The following VTI1A variants were observed in gnomAD, a reference collection of about 807,000 sequenced individuals.
The protein encoded by VTI1A is vesicle transport through interaction with t-SNAREs 1A.
In VTI1A, 22 loss-of-function variants were observed where a neutral mutation model predicts 34.9. That is an observed-to-expected ratio of 0.63 (90% CI 0.45 to 0.90). The LOEUF is 0.90. Ranked by LOEUF, VTI1A falls within the 40% of genes least tolerant of loss-of-function variation. The probability of loss-of-function intolerance (pLI) is 0.00; values close to 1 mark genes in which losing one functional copy is unlikely to be tolerated. For synonymous variants in VTI1A, 87 were observed against 97.3 expected (o/e 0.89, Z 0.62); for missense variants, 268 against 275.6 (o/e 0.97, Z 0.20).
At chr10:112,492,936 G>A (rs1031752870) in intron 3 of VTI1A, among the ~76,000 whole-genome samples, 4 of 152,094 alleles carry the variant, frequency 2.6e-5, no homozygotes, top group African/African-American at 9.7e-5. Flanking sequence ...GCTCCCTCAC[G>A]ATCATGTGCA....
intron 7 of VTI1A, among the ~76,000 whole-genome samples, chr10:112,685,008 A>C (rs1161288214): frequency 6.6e-6 from 1 of 152,178 alleles, no homozygotes; most frequent in Non-Finnish European, 1.5e-5. Flanking sequence ...CGTGTTTCAG[A>C]ATAGCAGAAA....
At chr10:112,788,807 T>G (rs573629557) in intron 7 of VTI1A, among the ~76,000 whole-genome samples, 14 of 152,278 alleles carry the variant, frequency 9.2e-5, no homozygotes, top group African/African-American at 2.9e-4. Context: ...AATTCACATA[T>G]TGATTTTTTT....
intron 7 of VTI1A, among the ~76,000 whole-genome samples, chr10:112,781,336 T>G (rs1852120221): frequency 1.3e-5 from 2 of 152,236 alleles, no homozygotes; most frequent in Admixed American, 1.3e-4. Context: ...GAGATGCAGC[T>G]GTCAACCTTT....
chr10:112,849,001 A>C, the VTI1A span, among the ~76,000 whole-genome samples: 1 of 152,186 alleles, frequency 6.6e-6, no homozygotes, highest in Non-Finnish European at 1.5e-5. Context: ...CCCAACATGC[A>C]CACATATTGA....
At chr10:112,853,248 C>G in the VTI1A span, among the ~76,000 whole-genome samples, 1 of 152,170 alleles carries the variant, frequency 6.6e-6, no homozygotes, top group Admixed American at 6.5e-5. Flanking sequence ...CTGTGAGCTC[C>G]TACTACCTCC....
intron 7 of VTI1A, among the ~76,000 whole-genome samples, chr10:112,674,578 C>G (rs551859774): frequency 1.3e-5 from 2 of 152,266 alleles, no homozygotes; most frequent in African/African-American, 4.8e-5. Context: ...CACTTGAATG[C>G]AACACCTTAT....
intron 5 of VTI1A, among the ~76,000 whole-genome samples, chr10:112,626,244 A>AT (rs1308922870): frequency 6.6e-6 from 1 of 152,184 alleles, no homozygotes; most frequent in Non-Finnish European, 1.5e-5. Context: ...GAAATCTGAG[A>AT]TTTTAAGACC....
downstream of VTI1A, among the ~76,000 whole-genome samples, chr10:112,821,899 G>C (rs961435164): frequency 6.6e-6 from 1 of 152,200 alleles, no homozygotes; most frequent in Non-Finnish European, 1.5e-5. Context: ...TTGACCCTTT[G>C]AGGGATGCCA....
At chr10:112,725,693 C>T (rs1849995395) in intron 7 of VTI1A, among the ~76,000 whole-genome samples, 2 of 152,300 alleles carry the variant, frequency 1.3e-5, no homozygotes, top group South Asian at 4.1e-4. Context: ...CTCTGAAATA[C>T]AGTTCATATC....
chr10:112,544,371 A>G lies in VTI1A; in HGVS notation c.427+6041A>G, dbSNP rs7912833. On this transcript the variant is annotated intron_variant, in intron 5 of 7. Coordinates refer to ENST00000393077, the MANE Select transcript of VTI1A (RefSeq NM_145206.4). ...CAGCCTCCCGAGTAGCTGGGATTAC[A>G]GGCATCCACCACCATGCCCAGCTAA... Among the ~76,000 whole-genome samples, 725 of 152,236 alleles carry G rather than the reference A, an allele frequency of 4.8e-3. 6 individuals are homozygous for G. Among genetic ancestry groups the G allele is most frequent in the African/African-American group, 0.017 (701 of 41,530 alleles).
At chr10:112,645,747 C>G (rs1044043533) in intron 5 of VTI1A, among the ~76,000 whole-genome samples, 3 of 152,104 alleles carry the variant, frequency 2.0e-5, no homozygotes, top group African/African-American at 7.2e-5. Flanking sequence ...CTAGTGTTCT[C>G]TCTATAATAG....
At position 112,447,321 on chromosome 10, in the gene VTI1A, A is replaced by G; in HGVS notation, c.-53A>G. On this transcript the variant is annotated 5_prime_UTR_variant, in exon 1 of 8. Transcript: ENST00000393077. ...CCGCGGGGCCCCTCGCTGCCCCTCG[A>G]GGCCCTTTCCCTGACCTAGGCTTTG... 1 of 1,575,990 alleles carries G rather than the reference A, an allele frequency of 6.3e-7. No homozygotes were observed. The highest frequency in any genetic ancestry group is 2.0e-4 in the Middle Eastern group (1 of 5,002).
chr10:112,754,782 G>A (rs1470971957), intron 7 of VTI1A, among the ~76,000 whole-genome samples: 2 of 152,164 alleles, frequency 1.3e-5, no homozygotes, highest in Admixed American at 6.5e-5. Flanking sequence ...TGGGGTTTCC[G>A]AGGAAAGGGA....
chr10:112,826,365 A>G, the VTI1A span: 54 of 152,340 alleles, frequency 3.5e-4, no homozygotes, highest in African/African-American at 1.3e-3. Context: ...TTTAACCACC[A>G]TGGGCAAGGC....
At chr10:112,697,608 C>T (rs184493079) in intron 7 of VTI1A, among the ~76,000 whole-genome samples, 31 of 152,068 alleles carry the variant, frequency 2.0e-4, no homozygotes, top group South Asian at 1.2e-3. Flanking sequence ...GTTGGTCAGG[C>T]TGATATCGAA....
At chr10:112,553,039 A>G (rs1398252410) in intron 5 of VTI1A, among the ~76,000 whole-genome samples, 3 of 152,254 alleles carry the variant, frequency 2.0e-5, no homozygotes, top group African/African-American at 7.2e-5. Flanking sequence ...AAATGAACTA[A>G]TCGTCTCACA....
the VTI1A span, among the ~76,000 whole-genome samples, chr10:112,844,550 C>G: frequency 6.6e-6 from 1 of 152,210 alleles, no homozygotes; most frequent in Non-Finnish European, 1.5e-5. Flanking sequence ...AGGTGCCCAC[C>G]ACCACGCCCG....
chr10:112,457,112 A>G (rs1293126091), intron 1 of VTI1A, among the ~76,000 whole-genome samples: 1 of 152,228 alleles, frequency 6.6e-6, no homozygotes, highest in Non-Finnish European at 1.5e-5. Context: ...GTCTGTCTGT[A>G]GACTGCATAC....
chr10:112,708,924 A>G (rs1849298222), intron 7 of VTI1A, among the ~76,000 whole-genome samples: 1 of 152,232 alleles, frequency 6.6e-6, no homozygotes, highest in South Asian at 2.1e-4. Context: ...AAAGAGCAGT[A>G]CTTGGTTTCT....
Sources: allele counts gnomAD v4.1 joint callset (sites outside exome capture counted in the v4.1 genomes callset), GRCh38; gene constraint gnomAD v4.1.1; transcripts MANE v1.5; gene names NCBI Gene and HGNC (gene_info 2026-07-23, HGNC 2026-07-21).